IL1RAPL2: variants seen among roughly 807,000 people sequenced by gnomAD.
IL1RAPL2 encodes interleukin 1 receptor accessory protein like 2.
A neutral mutation model predicts 44.1 loss-of-function variants in IL1RAPL2; 3 were observed. The observed-to-expected ratio is 0.07, with a 90% CI of 0.03 to 0.18. The LOEUF is 0.18. IL1RAPL2 is among the 10% of genes least tolerant of loss of function. The pLI is 1.00. For missense variants in IL1RAPL2, 391 were observed against 496.4 expected (o/e 0.79, Z 2.02); for synonymous variants, 181 against 178.8 (o/e 1.01, Z -0.10).
intron 2 of IL1RAPL2, among the ~76,000 whole-genome samples, chrX:104,916,249 C>T (rs960086093): frequency 9.0e-6 from 1 of 111,571 alleles, no homozygotes; most frequent in African/African-American, 3.3e-5. Flanking sequence ...TTTCATTGAG[C>T]AGTGGTTTGT....
intron 5 of IL1RAPL2, among the ~76,000 whole-genome samples, chrX:105,337,816 A>T (rs1027468600): frequency 9.0e-6 from 1 of 110,903 alleles, no homozygotes; most frequent in Non-Finnish European, 1.9e-5. Context: ...GTGTGAACCC[A>T]GGAGGCAGAG....
intron 2 of IL1RAPL2, among the ~76,000 whole-genome samples, chrX:104,891,515 C>G (rs1221050782): frequency 2.7e-5 from 3 of 111,653 alleles, no homozygotes; most frequent in Non-Finnish European, 5.6e-5. Flanking sequence ...CTTCACATCC[C>G]TTGTAAATTG....
At chrX:104,635,631 G>T (rs928099653) in intron 1 of IL1RAPL2, among the ~76,000 whole-genome samples, 1 of 111,256 alleles carries the variant, frequency 9.0e-6, no homozygotes, top group Non-Finnish European at 1.9e-5. Flanking sequence ...CCAGTTGATC[G>T]CATCGGCTAC....
chrX:104,984,598 C>T (rs957629061), intron 2 of IL1RAPL2, among the ~76,000 whole-genome samples: 2 of 112,023 alleles, frequency 1.8e-5, no homozygotes, highest in Non-Finnish European at 3.8e-5. Context: ...GGATGGATTA[C>T]ACCATTACTG....
At chrX:104,770,265 T>C (rs925438124) in intron 2 of IL1RAPL2, among the ~76,000 whole-genome samples, 5 of 111,580 alleles carry the variant, frequency 4.5e-5, no homozygotes, top group African/African-American at 1.6e-4. Flanking sequence ...CAACAAACAT[T>C]TCCATAGCAT....
chrX:104,817,097 G>A (rs761456317), intron 2 of IL1RAPL2, among the ~76,000 whole-genome samples: 2 of 112,899 alleles, frequency 1.8e-5, no homozygotes, highest in South Asian at 7.3e-4. Flanking sequence ...GACAAAAAGT[G>A]TATGATCTAA....
At chrX:105,299,213 A>G (rs1387171508) in intron 5 of IL1RAPL2, among the ~76,000 whole-genome samples, 5 of 112,021 alleles carry the variant, frequency 4.5e-5, no homozygotes. Flanking sequence ...TAATGTAGAC[A>G]TTTTGATGAG....
chrX:105,030,583 C>G (rs974382979), intron 2 of IL1RAPL2, among the ~76,000 whole-genome samples: 12 of 111,599 alleles, frequency 1.1e-4, no homozygotes, highest in African/African-American at 3.3e-4. Context: ...TCTGAGGGCT[C>G]TGTTCTGTTC....
intron 2 of IL1RAPL2, among the ~76,000 whole-genome samples, chrX:105,098,098 A>G (rs1362305320): frequency 8.9e-6 from 1 of 112,220 alleles, no homozygotes; most frequent in East Asian, 2.8e-4. Flanking sequence ...CACTTCTGAG[A>G]TAGCATATAG....
chrX:105,341,829 G>A (rs1016266491), intron 5 of IL1RAPL2, among the ~76,000 whole-genome samples: 1 of 110,736 alleles, frequency 9.0e-6, no homozygotes, highest in African/African-American at 3.3e-5. Context: ...TACTCCGGAG[G>A]CTGACCCAGG....
intron 5 of IL1RAPL2, among the ~76,000 whole-genome samples, chrX:105,391,125 C>G (rs993481867): frequency 3.6e-5 from 4 of 111,377 alleles, no homozygotes; most frequent in Admixed American, 2.9e-4. Context: ...ATATTTTGTT[C>G]GTTTATTTCA....
intron 2 of IL1RAPL2, among the ~76,000 whole-genome samples, chrX:104,811,751 C>T (rs1932983063): frequency 9.0e-6 from 1 of 110,667 alleles, no homozygotes; most frequent in Admixed American, 9.7e-5. Context: ...TGTCTGGGTC[C>T]CACAATGGGT....
At chrX:104,726,549 T>G (rs781099388) in intron 2 of IL1RAPL2, among the ~76,000 whole-genome samples, 1 of 111,506 alleles carries the variant, frequency 9.0e-6, no homozygotes, top group South Asian at 3.8e-4. Context: ...TGTCCTCTCT[T>G]ATTTCCTTGA....
intron 6 of IL1RAPL2, among the ~76,000 whole-genome samples, chrX:105,656,769 G>A (rs2147845404): frequency 9.0e-6 from 1 of 111,404 alleles, no homozygotes; most frequent in South Asian, 3.8e-4. Flanking sequence ...GACAAATTTT[G>A]CAAAGAATAT....
chrX:105,032,653 T>C (rs1455102048), intron 2 of IL1RAPL2, among the ~76,000 whole-genome samples: 1 of 111,428 alleles, frequency 9.0e-6, no homozygotes, highest in Admixed American at 9.6e-5. Flanking sequence ...CAACTATGTG[T>C]TCAATTTTGG....
chrX:105,189,152 T>G (rs2147609242), intron 2 of IL1RAPL2, among the ~76,000 whole-genome samples: 1 of 112,888 alleles, frequency 8.9e-6, no homozygotes, highest in South Asian at 3.6e-4. Flanking sequence ...ATAAGTAAAA[T>G]ATACACAAAT....
chrX:105,228,269 G>T lies in IL1RAPL2; in HGVS notation c.357-5549G>T, dbSNP rs782208916. Among the ~76,000 whole-genome samples the T allele has an allele frequency of 2.1e-4, 23 of 112,096 alleles. No individual in the cohort carries two copies. The South Asian group carries it at 8.5e-3, about 41-fold the overall frequency. ...TAAGACAATCGAATAAATCAGTTAG[G>T]AAAGTTTCAACTATATCCTGAGGCA... On this transcript the variant is annotated intron_variant, in intron 3 of 10. Coordinates refer to ENST00000372582, the MANE Select transcript of IL1RAPL2 (RefSeq NM_017416.2).
intron 1 of IL1RAPL2, among the ~76,000 whole-genome samples, chrX:104,640,570 C>A (rs1314593904): frequency 9.0e-6 from 1 of 111,159 alleles, no homozygotes; most frequent in Non-Finnish European, 1.9e-5. Flanking sequence ...TTTTTGTGTT[C>A]CTTTTGTCCT....
chrX:105,667,976 T>TTAAG (rs1298933667), intron 6 of IL1RAPL2, among the ~76,000 whole-genome samples: 1 of 108,965 alleles, frequency 9.2e-6, no homozygotes, highest in African/African-American at 3.4e-5. Flanking sequence ...AACACAACTT[T>TTAAG]TAAGTGGTAT....
Sources: allele counts gnomAD v4.1 joint callset (sites outside exome capture counted in the v4.1 genomes callset), GRCh38; gene constraint gnomAD v4.1.1; transcripts MANE v1.5; gene names NCBI Gene and HGNC (gene_info 2026-07-23, HGNC 2026-07-21).